TTC28: variants seen among roughly 807,000 people sequenced by gnomAD.
TTC28 encodes tetratricopeptide repeat protein 28.
In TTC28, 61 loss-of-function variants were observed where a neutral mutation model predicts 198.0. The ratio of observed to expected loss-of-function variants is 0.31; its 90% confidence interval spans 0.25 to 0.38. The LOEUF (loss-of-function observed/expected upper bound fraction) is 0.38. TTC28 is among the 10% of genes least tolerant of loss of function. The pLI is 1.00. For synonymous variants in TTC28, 1,171 were observed against 1,297.8 expected, an observed-to-expected ratio of 0.90 and a Z score of 2.10; for missense variants, 2,678 against 3,164.0, an observed-to-expected ratio of 0.85 and a Z score of 3.69.
intron 2 of TTC28, among the ~76,000 whole-genome samples, chr22:28,328,487 C>T (rs1364649225): frequency 1.3e-5 from 2 of 151,942 alleles, no homozygotes; most frequent in East Asian, 1.9e-4. Flanking sequence ...GGCGTGATGG[C>T]TCACGTCTGT....
intron 5 of TTC28, among the ~76,000 whole-genome samples, chr22:28,295,860 T>G (rs1350427437): frequency 1.3e-5 from 2 of 152,180 alleles, no homozygotes; most frequent in Non-Finnish European, 2.9e-5. Context: ...AATGTTTGCT[T>G]TTTACAATTT....
intron 2 of TTC28, among the ~76,000 whole-genome samples, chr22:28,496,728 A>T (rs958786142): frequency 1.3e-5 from 2 of 151,922 alleles, no homozygotes; most frequent in Non-Finnish European, 2.9e-5. Context: ...GAAGCCAGAG[A>T]AATCTTTTCA....
intron 2 of TTC28, among the ~76,000 whole-genome samples, chr22:28,403,468 C>T (rs756211199): frequency 1.6e-4 from 24 of 152,160 alleles, no homozygotes; most frequent in Non-Finnish European, 2.6e-4. Context: ...TTAAATATGA[C>T]GCCAGGATCT....
intron 6 of TTC28, among the ~76,000 whole-genome samples, chr22:28,130,802 G>C (rs909763905): frequency 1.3e-5 from 2 of 152,052 alleles, no homozygotes; most frequent in Admixed American, 1.3e-4. Flanking sequence ...TGGGTTTTTT[G>C]TTTGTTTTTG....
At chr22:28,335,440 T>C (rs955261582) in intron 2 of TTC28, among the ~76,000 whole-genome samples, 2 of 152,210 alleles carry the variant, frequency 1.3e-5, no homozygotes, top group African/African-American at 4.8e-5. Context: ...ATAAATTACC[T>C]TGGGCTGTAT....
intron 1 of TTC28, among the ~76,000 whole-genome samples, chr22:28,636,268 G>A (rs2051270036): frequency 6.7e-6 from 1 of 149,492 alleles, no homozygotes; most frequent in Non-Finnish European, 1.5e-5. Context: ...TGGGACTACA[G>A]GTGCCCACCA....
chr22:28,297,491 CT>C, intron 4 of TTC28, 88 bp downstream of exon 4: 3 of 1,435,726 alleles, frequency 2.1e-6, no homozygotes, highest in Non-Finnish European at 1.9e-6. Flanking sequence ...CAGGCGATCA[CT>C]TTTCATTGCA....
chr22:28,308,805 G>A (rs1292355974), intron 2 of TTC28, among the ~76,000 whole-genome samples: 1 of 152,126 alleles, frequency 6.6e-6, no homozygotes, highest in Admixed American at 6.5e-5. Flanking sequence ...AAGGTTCAAA[G>A]GTCATCTTTG....
At chr22:28,052,872 A>G (rs929928662) in intron 12 of TTC28, among the ~76,000 whole-genome samples, 31 of 152,238 alleles carry the variant, frequency 2.0e-4, no homozygotes, top group African/African-American at 7.2e-4. Context: ...CAGCAAAATC[A>G]TAAAGTCTTC....
chr22:28,260,674 C>G (rs1420378774), intron 5 of TTC28, among the ~76,000 whole-genome samples: 1 of 152,132 alleles, frequency 6.6e-6, no homozygotes, highest in East Asian at 1.9e-4. Flanking sequence ...GCTAGAAAAA[C>G]AGCATCACCA....
At chr22:28,071,724 A>G (rs1397608977) in intron 12 of TTC28, among the ~76,000 whole-genome samples, 2 of 147,584 alleles carry the variant, frequency 1.4e-5, no homozygotes, top group Non-Finnish European at 3.0e-5. Context: ...CCTAAAACTT[A>G]AAGTATAATA....
chr22:28,186,607 A>C (rs1924228156), intron 5 of TTC28, among the ~76,000 whole-genome samples: 1 of 152,214 alleles, frequency 6.6e-6, no homozygotes, highest in African/African-American at 2.4e-5. Context: ...ATCAACTCCT[A>C]GAATGGCAGG....
chr22:28,591,788 C>T (rs2050440364), intron 2 of TTC28, among the ~76,000 whole-genome samples: 1 of 151,700 alleles, frequency 6.6e-6, no homozygotes, highest in Non-Finnish European at 1.5e-5. Flanking sequence ...TTTTTTAATT[C>T]AGGTGAAGAC....
chr22:28,591,056 T>C (rs866780524), intron 2 of TTC28, among the ~76,000 whole-genome samples: 13 of 115,456 alleles, frequency 1.1e-4, no homozygotes, highest in African/African-American at 3.3e-4. Flanking sequence ...TATATATATA[T>C]ATATATATAT....
chr22:28,314,418 CAAG>C (rs1166646648), intron 2 of TTC28, among the ~76,000 whole-genome samples: 1 of 152,156 alleles, frequency 6.6e-6, no homozygotes, highest in African/African-American at 2.4e-5. Flanking sequence ...CAATCCTGGG[CAAG>C]AAGAACAAAG....
At chr22:28,390,070 A>T (rs1055514654) in intron 2 of TTC28, among the ~76,000 whole-genome samples, 1 of 151,348 alleles carries the variant, frequency 6.6e-6, no homozygotes, top group African/African-American at 2.4e-5. Context: ...TTCAAAGAAC[A>T]TCTTTATTTC....
At chr22:28,613,484 G>C (rs1367728861) in intron 2 of TTC28, among the ~76,000 whole-genome samples, 2 of 152,142 alleles carry the variant, frequency 1.3e-5, no homozygotes, top group African/African-American at 2.4e-5. Flanking sequence ...AAAATGGGCA[G>C]AGACACAACA....
In TTC28 at chr22:27,978,112, T is replaced by A. The variant is rs6005682; in HGVS notation, c.*4109A>T. Reference sequence around the variant, plus strand: ...CTCAATAAAAATATGAAGTTCTTTTTACATGGTAAATTTCATAATATAAAA... The same window carrying A: ...CTCAATAAAAATATGAAGTTCTTTTAACATGGTAAATTTCATAATATAAAA... On this transcript the variant is annotated 3_prime_UTR_variant, in exon 23 of 23. Coordinates refer to ENST00000397906, the MANE Select transcript of TTC28 (RefSeq NM_001145418.2). The A allele has an allele frequency of 6.0e-4, 92 of 152,320 alleles. No individual in the cohort carries two copies. The highest frequency in any genetic ancestry group is 2.0e-3 in the African/African-American group (85 of 41,550). 9.4% of individuals were successfully genotyped at this position (152,320 alleles called of 1,614,324 possible). A position where few individuals can be genotyped will look rare whatever the true frequency, so the allele number is the denominator to read the frequency against.
chr22:28,146,037 T>G (rs1042806530), intron 6 of TTC28, among the ~76,000 whole-genome samples: 1 of 152,160 alleles, frequency 6.6e-6, no homozygotes, highest in African/African-American at 2.4e-5. Context: ...TGAAAGCTCA[T>G]GTTCCTCACA....
Sources: gnomAD v4.1 joint callset for allele counts (sites outside exome capture counted in the v4.1 genomes callset) on GRCh38, gnomAD v4.1.1 for gene constraint, MANE v1.5 for transcripts, NCBI Gene and HGNC (gene_info 2026-07-23, HGNC 2026-07-21) for gene names.